PTPN13: variants seen among roughly 807,000 people sequenced by gnomAD.
The protein encoded by PTPN13 is protein tyrosine phosphatase non-receptor type 13, also known as tyrosine-protein phosphatase non-receptor type 13.
Under a neutral mutation model 284.0 loss-of-function variants are expected in PTPN13, and 191 were observed. That is an observed-to-expected ratio of 0.67 (90% CI 0.60 to 0.76). The LOEUF is 0.76. PTPN13 is among the 30% of genes least tolerant of loss of function. The pLI is 0.00. For missense variants in PTPN13, 2,797 were observed against 2,939.9 expected (o/e 0.95, Z 1.12); for synonymous variants, 986 against 1,022.3 (o/e 0.96, Z 0.68).
chr4:86,611,950 G>T (rs1719938357), intron 1 of PTPN13, among the ~76,000 whole-genome samples: 1 of 152,172 alleles, frequency 6.6e-6, no homozygotes, highest in Non-Finnish European at 1.5e-5. Context: ...CTCACACAGG[G>T]CTAGGAATAG....
At chr4:86,745,777 A>G (rs1241824503) in intron 17 of PTPN13, among the ~76,000 whole-genome samples, 2 of 150,628 alleles carry the variant, frequency 1.3e-5, no homozygotes, top group South Asian at 2.1e-4. Flanking sequence ...CTCTGTCTCA[A>G]AAAAAAAAAA....
intron 27 of PTPN13, 63 bp downstream of exon 27, chr4:86,766,580 C>A: frequency 8.7e-7 from 1 of 1,148,666 alleles, no homozygotes; most frequent in South Asian, 1.6e-5. Flanking sequence ...GTGTGAATAA[C>A]ATCAGTTCTC....
chr4:86,695,019 CAG>C lies in PTPN13; in HGVS notation c.634+1348_634+1349del, dbSNP rs763033272. Among the ~76,000 whole-genome samples the C allele has an allele frequency of 8.7e-4, 133 of 152,184 alleles. 1 individual carries two copies. The highest frequency in any genetic ancestry group is 1.5e-3 in the Non-Finnish European group (104 of 67,978). On this transcript the variant is annotated intron_variant, in intron 6 of 47. Transcript: ENST00000411767. Reference sequence around the variant, plus strand: ...TTGACTATCTGGACCAAATGTTTTACAGAGTCAGAACTCTCATATCTGAGAGG... The same window carrying C: ...TTGACTATCTGGACCAAATGTTTTACAGTCAGAACTCTCATATCTGAGAGG...
intron 32 of PTPN13, 127 bp from the exon 33 acceptor site, chr4:86,774,246 C>G (rs1740344287): frequency 1.1e-6 from 1 of 895,558 alleles, no homozygotes; most frequent in Non-Finnish European, 1.7e-6. Context: ...GACTTCTTCA[C>G]TTGGACAAGT....
intron 28 of PTPN13, 129 bp downstream of exon 28, chr4:86,768,105 A>C (rs1739540080): frequency 1.2e-6 from 1 of 803,840 alleles, no homozygotes; most frequent in Non-Finnish European, 1.9e-6. Flanking sequence ...ACAAATAATA[A>C]TCTGACATCA....
chr4:86,812,874 A>G (rs138320103), intron 47 of PTPN13, among the ~76,000 whole-genome samples: 2 of 152,116 alleles, frequency 1.3e-5, no homozygotes, highest in Admixed American at 1.3e-4. Flanking sequence ...TGTTAAAATG[A>G]CACCAAGTCT....
At chr4:86,762,677 G>T (rs1738830886) in intron 23 of PTPN13, 50 bp from the exon 24 acceptor site, 1 of 1,350,558 alleles carries the variant, frequency 7.4e-7, no homozygotes, top group Non-Finnish European at 1.0e-6. Context: ...ATGTGTGTAA[G>T]CACGTGTATC....
intron 25 of PTPN13, 67 bp downstream of exon 25, chr4:86,764,791 C>T: frequency 2.5e-5 from 37 of 1,505,396 alleles, no homozygotes; most frequent in Non-Finnish European, 3.3e-5. Context: ...TGTATGTCAA[C>T]TTTTTAATTG....
chr4:86,703,021 A>T (rs949580499), intron 7 of PTPN13, among the ~76,000 whole-genome samples: 2 of 152,126 alleles, frequency 1.3e-5, no homozygotes, highest in Non-Finnish European at 2.9e-5. Flanking sequence ...AACATAATTT[A>T]TGAGTTTTGC....
chr4:86,745,118 CCAAGAT>C lies in PTPN13; in HGVS notation c.2641_2646del (p.Gln881_Asp882del). The C allele has an allele frequency of 6.2e-7, 1 of 1,609,556 alleles. No individual in the cohort carries two copies. Among genetic ancestry groups the C allele is most frequent in the Non-Finnish European group, 8.5e-7 (1 of 1,178,342 alleles). Reference sequence around the variant, plus strand: ...GAGCAAGACAGAGCAACCAAGATGCCCAAGATATTGGTAAGGAGAAGCAGACTATTT... The same window carrying C: ...GAGCAAGACAGAGCAACCAAGATGCCATTGGTAAGGAGAAGCAGACTATTT... On this transcript the variant is annotated inframe_deletion, in exon 17 of 48. Coordinates refer to ENST00000411767, the MANE Select transcript of PTPN13 (RefSeq NM_080683.3).
intron 9 of PTPN13, among the ~76,000 whole-genome samples, chr4:86,719,945 G>A (rs1565407163): frequency 6.6e-6 from 1 of 152,016 alleles, no homozygotes; most frequent in Non-Finnish European, 1.5e-5. Flanking sequence ...TTCTAATGAA[G>A]CAAAAGCATG....
intron 6 of PTPN13, among the ~76,000 whole-genome samples, chr4:86,696,309 A>G (rs1276348642): frequency 6.6e-6 from 1 of 151,974 alleles, no homozygotes; most frequent in Non-Finnish European, 1.5e-5. Flanking sequence ...TGAACGAGAA[A>G]AGGTTTTATG....
chr4:86,648,700 A>G (rs1333749533), intron 2 of PTPN13, among the ~76,000 whole-genome samples: 4 of 152,172 alleles, frequency 2.6e-5, no homozygotes, highest in Non-Finnish European at 5.9e-5. Flanking sequence ...AGGAGTGAAG[A>G]TATCTCTTTG....
chr4:86,760,894 A>G (rs890066545), intron 23 of PTPN13, among the ~76,000 whole-genome samples: 11 of 152,010 alleles, frequency 7.2e-5, no homozygotes, highest in South Asian at 2.1e-4. Context: ...AAAATTACCA[A>G]TGTGTATTCT....
chr4:86,655,397 G>A (rs1419373813), intron 2 of PTPN13, among the ~76,000 whole-genome samples: 4 of 152,124 alleles, frequency 2.6e-5, no homozygotes, highest in African/African-American at 7.2e-5. Context: ...TCTTTTCCAT[G>A]TTTAGTGCTT....
Position 86,741,685 on chromosome 4 carries a change from GAGA to G in PTPN13, c.2362_2364del (p.Lys788del). On this transcript the variant is annotated inframe_deletion, in exon 16 of 48. Transcript: ENST00000411767. ...AGTTCATTTTCACCGAGTGCACCCTGAGAAGAAGTCACAAACAGGAATATTGCT... is the reference window on the plus strand; with the variant it reads ...AGTTCATTTTCACCGAGTGCACCCTGAGAAGTCACAAACAGGAATATTGCT... The G allele has an allele frequency of 1.9e-6, 3 of 1,613,770 alleles. No homozygotes were observed. The highest frequency in any genetic ancestry group is 2.2e-5 in the South Asian group (2 of 91,034).
rs10033029 is a variant in PTPN13, at chr4:86,764,643, T to C, written c.4068T>C (p.Phe1356=). Residue 1356 remains phenylalanine, a synonymous_variant, in exon 25 of 48, where the codon TTT becomes TTC. Coordinates refer to ENST00000411767, the MANE Select transcript of PTPN13 (RefSeq NM_080683.3). ...NTSNKMNFKT[F]SSSPPKPGDI... ...CCAACAAGATGAATTTTAAAACTTT[T>C]TCTTCATCACCTCCTAAGCCTGGAG... The C allele has an allele frequency of 1.9e-6, 3 of 1,583,044 alleles. No individual in the cohort carries two copies. The highest frequency in any genetic ancestry group is 3.7e-5 in the Admixed American group (2 of 54,512).
chr4:86,770,025 G>A (rs1468008714), intron 29 of PTPN13, 42 bp downstream of exon 29: 4 of 1,611,444 alleles, frequency 2.5e-6, no homozygotes, highest in Non-Finnish European at 3.4e-6. Context: ...TTAATGATGA[G>A]ATGGATTGGC....
At chr4:86,614,936 A>T (rs974441146) in intron 1 of PTPN13, among the ~76,000 whole-genome samples, 6 of 152,110 alleles carry the variant, frequency 3.9e-5, no homozygotes, top group Non-Finnish European at 8.8e-5. Context: ...TACTAATTGA[A>T]GTAGGGGGTT....
Sources: allele counts gnomAD v4.1 joint callset (sites outside exome capture counted in the v4.1 genomes callset), GRCh38; gene constraint gnomAD v4.1.1; transcripts MANE v1.5; gene names NCBI Gene and HGNC (gene_info 2026-07-23, HGNC 2026-07-21).